Variants in UHRF2 observed in about 807,000 individuals in gnomAD.
UHRF2 encodes the protein ubiquitin like with PHD and ring finger domains 2.
Under a neutral mutation model 96.8 loss-of-function variants are expected in UHRF2, and 23 were observed. The ratio of observed to expected loss-of-function variants is 0.24; its 90% CI spans 0.17 to 0.34. The LOEUF (loss-of-function observed/expected upper bound fraction) is 0.34, where lower values mean the gene tolerates loss of function less well. Among genes scored for constraint, UHRF2 ranks in the 10% least tolerant of loss-of-function variants. UHRF2 has a pLI of 1.00. For synonymous variants in UHRF2, 385 were observed against 332.6 expected (o/e 1.16, Z -1.72); for missense variants, 685 against 981.5 (o/e 0.70, Z 4.04).
At chr9:6,448,569 T>C (rs1188029565) in intron 3 of UHRF2, among the ~76,000 whole-genome samples, 1 of 152,220 alleles carries the variant, frequency 6.6e-6, no homozygotes, top group East Asian at 1.9e-4. Context: ...TAAGGGTTGT[T>C]ATAAGTATAT....
intron 3 of UHRF2, among the ~76,000 whole-genome samples, chr9:6,440,728 A>G (rs141360350): frequency 6.8e-4 from 104 of 152,336 alleles, no homozygotes; most frequent in African/African-American, 2.1e-3. Flanking sequence ...TATAAAAAGC[A>G]TCTGCTTTCA....
At chr9:6,465,938 GA>G (rs1248761086) in intron 4 of UHRF2, among the ~76,000 whole-genome samples, 1 of 151,902 alleles carries the variant, frequency 6.6e-6, no homozygotes, top group African/African-American at 2.4e-5. Flanking sequence ...TTTTAGCTTT[GA>G]AAAAAATTGA....
chr9:6,469,394 T>C (rs1024527334), intron 4 of UHRF2, among the ~76,000 whole-genome samples: 2 of 152,030 alleles, frequency 1.3e-5, no homozygotes, highest in African/African-American at 4.8e-5. Flanking sequence ...GGCAGGTGCC[T>C]GTAGTCCCAG....
intron 3 of UHRF2, among the ~76,000 whole-genome samples, chr9:6,450,866 G>A (rs143032305): frequency 0.014 from 2,089 of 152,214 alleles, 32 homozygotes; most frequent in Non-Finnish European, 0.023. Flanking sequence ...CAGTTATTTC[G>A]AATTGGAAAT....
chr9:6,455,665 G>A (rs910048197), intron 3 of UHRF2, among the ~76,000 whole-genome samples: 4 of 152,118 alleles, frequency 2.6e-5, no homozygotes, highest in African/African-American at 9.7e-5. Context: ...TCTTTGGTCT[G>A]ATGATATCAG....
intron 3 of UHRF2, among the ~76,000 whole-genome samples, chr9:6,440,487 G>A (rs1396897421): frequency 1.3e-5 from 2 of 152,106 alleles, no homozygotes; most frequent in Non-Finnish European, 2.9e-5. Context: ...ACATATAATT[G>A]ATAATAGCCA....
At chr9:6,424,994 T>C (rs879558540) in intron 2 of UHRF2, among the ~76,000 whole-genome samples, 5 of 152,156 alleles carry the variant, frequency 3.3e-5, no homozygotes, top group Non-Finnish European at 7.3e-5. Context: ...AATGATAACA[T>C]TAACACTGAT....
At chr9:6,445,130 TAAAAAAAAAA>T (rs34294660) in intron 3 of UHRF2, among the ~76,000 whole-genome samples, 1 of 114,148 alleles carries the variant, frequency 8.8e-6, no homozygotes, top group Non-Finnish European at 1.7e-5. Flanking sequence ...ATCTCTTATT[TAAAAAAAAAA>T]AAAAAAAAAA....
chr9:6,432,904 G>C (rs1383181138), intron 2 of UHRF2, among the ~76,000 whole-genome samples: 1 of 151,372 alleles, frequency 6.6e-6, no homozygotes, highest in African/African-American at 2.4e-5. Context: ...GCACTGGCAC[G>C]ATCTCCGTTC....
In UHRF2 at chr9:6,482,112, T is replaced by A. The variant is rs2130911471; in HGVS notation, c.1392+13T>A. Reference sequence around the variant, plus strand: ...ATTTAGAGTTCAGGTATGTTTTAACTTGGGCTTAGTTGAAAGGGGAGAATT... The same window carrying A: ...ATTTAGAGTTCAGGTATGTTTTAACATGGGCTTAGTTGAAAGGGGAGAATT... On this transcript the variant is annotated intron_variant, in intron 8 of 15. Transcript: ENST00000276893. 4 of 1,605,926 alleles carry A rather than the reference T, an allele frequency of 2.5e-6. No individual in the cohort carries two copies. Among genetic ancestry groups the A allele is most frequent in the East Asian group, 2.2e-5 (1 of 44,834 alleles).
chr9:6,417,531 C>G (rs776241859), intron 1 of UHRF2, among the ~76,000 whole-genome samples: 2 of 152,184 alleles, frequency 1.3e-5, no homozygotes, highest in African/African-American at 2.4e-5. Flanking sequence ...TCAAGTAAAT[C>G]ATCTCAACAC....
Position 6,454,910 on chromosome 9 carries a change from A to T in UHRF2, c.645-5663A>T, listed in dbSNP as rs190121956. On this transcript the variant is annotated intron_variant, in intron 3 of 15. Transcript: ENST00000276893. The stretch of plus-strand genomic sequence containing the variant: ...GGGATTTGTAAATGTAGATTGCTGG[A>T]CCTCATTTCCAGAGTTTCTGACTAA... Among the ~76,000 whole-genome samples the T allele has an allele frequency of 1.8e-3, 279 of 152,322 alleles. 1 individual carries two copies. Among genetic ancestry groups the T allele is most frequent in the Middle Eastern group, 3.4e-3 (1 of 292 alleles).
chr9:6,425,581 C>T (rs1820209100), intron 2 of UHRF2, among the ~76,000 whole-genome samples: 1 of 151,756 alleles, frequency 6.6e-6, no homozygotes, highest in South Asian at 2.1e-4. Context: ...ATGGTGAAAC[C>T]CCATCTCTGC....
intron 5 of UHRF2, among the ~76,000 whole-genome samples, chr9:6,477,113 A>G (rs1823620661): frequency 6.6e-6 from 1 of 151,994 alleles, no homozygotes; most frequent in Admixed American, 6.6e-5. Context: ...GGCGCCTGTA[A>G]TCCCAGCTAT....
chr9:6,497,386 T>A (rs1275711510), intron 11 of UHRF2, 26 bp downstream of exon 11: 5 of 1,607,782 alleles, frequency 3.1e-6, no homozygotes, highest in Non-Finnish European at 4.3e-6. Flanking sequence ...TGACATCTTG[T>A]TTGTCATTCT....
chr9:6,416,535 C>CTTTTTTTT (rs60522189), intron 1 of UHRF2, among the ~76,000 whole-genome samples: 6 of 64,930 alleles, frequency 9.2e-5, no homozygotes, highest in African/African-American at 3.1e-4. Flanking sequence ...ATCTCTAAAT[C>CTTTTTTTT]TTTTTTTTTT....
intron 3 of UHRF2, among the ~76,000 whole-genome samples, chr9:6,458,378 T>G (rs1822310163): frequency 6.6e-6 from 1 of 152,190 alleles, no homozygotes; most frequent in Non-Finnish European, 1.5e-5. Context: ...TTGGTTCTTC[T>G]CTCTTTTCTT....
intron 2 of UHRF2, among the ~76,000 whole-genome samples, chr9:6,430,686 C>T (rs191364333): frequency 1.7e-4 from 26 of 152,244 alleles, no homozygotes; most frequent in African/African-American, 6.3e-4. Context: ...AGAGGCCACC[C>T]CTACAATCCA....
At chr9:6,473,027 T>C (rs1823343934) in intron 4 of UHRF2, among the ~76,000 whole-genome samples, 2 of 152,220 alleles carry the variant, frequency 1.3e-5, no homozygotes, top group Admixed American at 6.5e-5. Context: ...ATCAACCTAG[T>C]TGCAGTAAGC....
Sources: gnomAD v4.1 joint callset for allele counts (sites outside exome capture counted in the v4.1 genomes callset) on GRCh38, gnomAD v4.1.1 for gene constraint, MANE v1.5 for transcripts, NCBI Gene and HGNC (gene_info 2026-07-23, HGNC 2026-07-21) for gene names.